Variants in PDE4D observed in about 807,000 individuals in gnomAD.
PDE4D encodes the protein phosphodiesterase 4D.
A neutral mutation model predicts 87.4 loss-of-function variants in PDE4D; 24 were observed. That is an observed-to-expected ratio of 0.27 (90% CI 0.20 to 0.39). The LOEUF is 0.39. Among genes scored for constraint, PDE4D ranks in the 10% least tolerant of loss-of-function variants. The probability of loss-of-function intolerance (pLI) is 1.00; values close to 1 mark genes in which losing one functional copy is unlikely to be tolerated. For missense variants in PDE4D, 714 were observed against 1,041.0 expected (o/e 0.69, Z 4.32); for synonymous variants, 384 against 383.2 (o/e 1.00, Z -0.02).
chr5:59,744,122 T>C (rs1320376109), intron 1 of PDE4D, among the ~76,000 whole-genome samples: 2 of 152,168 alleles, frequency 1.3e-5, no homozygotes, highest in African/African-American at 4.8e-5. Context: ...CTCAAATTCT[T>C]ACCAGTCCTA....
chr5:59,993,587 C>T (rs1410404424), intron 2 of PDE4D, among the ~76,000 whole-genome samples: 1 of 152,048 alleles, frequency 6.6e-6, no homozygotes, highest in Non-Finnish European at 1.5e-5. Flanking sequence ...ATTCATAAAA[C>T]AATTGTTTAA....
intron 5 of PDE4D, among the ~76,000 whole-genome samples, chr5:59,057,047 T>C (rs1027320150): frequency 6.6e-6 from 1 of 152,140 alleles, no homozygotes; most frequent in Non-Finnish European, 1.5e-5. Flanking sequence ...CAAAGAATGG[T>C]TAGAAATGAA....
At chr5:60,488,910 A>G (rs1749360897), upstream of PDE4D, among the ~76,000 whole-genome samples, 1 of 152,180 alleles carries the variant, frequency 6.6e-6, no homozygotes. Context: ...AGGAATCCTA[A>G]GAGAGAATCA....
At chr5:59,829,019 A>G (rs1273733843) in intron 1 of PDE4D, among the ~76,000 whole-genome samples, 1 of 152,102 alleles carries the variant, frequency 6.6e-6, no homozygotes, top group African/African-American at 2.4e-5. Context: ...CATTCTTAAC[A>G]CATATTTGTC....
chr5:59,243,129 C>T (rs528186300), intron 1 of PDE4D, among the ~76,000 whole-genome samples: 8 of 152,060 alleles, frequency 5.3e-5, no homozygotes, highest in Non-Finnish European at 1.2e-4. Flanking sequence ...CTCGTTTTTA[C>T]TATAGAGTCG....
chr5:59,748,812 C>CA (rs996190039), intron 1 of PDE4D, among the ~76,000 whole-genome samples: 4 of 151,816 alleles, frequency 2.6e-5, no homozygotes, highest in East Asian at 1.9e-4. Context: ...AAAACAACAA[C>CA]AAAAAAAAGA....
chr5:59,990,554 G>C (rs920799569), intron 2 of PDE4D, among the ~76,000 whole-genome samples: 1 of 151,984 alleles, frequency 6.6e-6, no homozygotes, highest in African/African-American at 2.4e-5. Flanking sequence ...AAAAAAAAGA[G>C]GTCAAAGCTA....
rs563378591 is a variant in PDE4D at position 59,048,020 on chromosome 5, T to C, written c.809-9049A>G. Among the ~76,000 whole-genome samples, 6 of 152,338 alleles carry C rather than the reference T, an allele frequency of 3.9e-5. No homozygotes were observed. In the South Asian group the frequency reaches 1.0e-3, roughly 26 times the overall value. On this transcript the variant is annotated intron_variant, in intron 5 of 14. Coordinates refer to ENST00000340635, the MANE Select transcript of PDE4D (RefSeq NM_001104631.2). The stretch of plus-strand genomic sequence containing the variant: ...GCCATCAGTTTATGGTATTTTGTTA[T>C]AGCAGCTTGAGCTAAGACAAATATC...
rs549737685 is a variant in PDE4D at position 59,597,856 on chromosome 5, A to G, written c.455+295312T>C. ...ACAGATGCCCTCTCATTCACCTAGCATTTTACACACTCTTCCTTGCTGTTT... is the reference window on the plus strand; with the variant it reads ...ACAGATGCCCTCTCATTCACCTAGCGTTTTACACACTCTTCCTTGCTGTTT... On this transcript the variant is annotated intron_variant, in intron 1 of 14. Transcript: ENST00000340635. 2.0e-5 allele frequency among the ~76,000 whole-genome samples: 3 copies of G among 152,224 alleles called. No homozygotes were observed. The South Asian group carries it at 6.2e-4, about 32-fold the overall frequency.
At chr5:60,483,861 G>T (rs1393987751) in intron 1 of PDE4D, among the ~76,000 whole-genome samples, 1 of 152,140 alleles carries the variant, frequency 6.6e-6, no homozygotes, top group Non-Finnish European at 1.5e-5. Context: ...TTTAAAAAGG[G>T]TTCAACAGGT....
chr5:60,474,854 C>T (rs1748184838), intron 1 of PDE4D, among the ~76,000 whole-genome samples: 1 of 152,196 alleles, frequency 6.6e-6, no homozygotes, highest in Non-Finnish European at 1.5e-5. Context: ...GTTTGTCACA[C>T]CCTGCCTCAG....
At chr5:59,126,107 AAGAGAGAG>A (rs755881387) in intron 5 of PDE4D, among the ~76,000 whole-genome samples, 9 of 148,084 alleles carry the variant, frequency 6.1e-5, no homozygotes, top group East Asian at 3.9e-4. Context: ...AAAAAAAAAA[AAGAGAGAG>A]AGAGAGAGAG....
intron 1 of PDE4D, chr5:59,314,634 T>C (rs1235246320): frequency 6.6e-6 from 1 of 152,108 alleles, no homozygotes; most frequent in African/African-American, 2.4e-5. Flanking sequence ...TCAACAATAG[T>C]GGGCAAGTAG....
intron 2 of PDE4D, among the ~76,000 whole-genome samples, chr5:60,052,197 A>T (rs1770247619): frequency 6.6e-6 from 1 of 151,880 alleles, no homozygotes; most frequent in African/African-American, 2.4e-5. Flanking sequence ...TTATGAAGCC[A>T]GTATCATCCT....
At chr5:59,541,648 T>C (rs1314371530) in intron 1 of PDE4D, among the ~76,000 whole-genome samples, 1 of 152,240 alleles carries the variant, frequency 6.6e-6, no homozygotes, top group African/African-American at 2.4e-5. Flanking sequence ...AGAAAGCACA[T>C]GGCCTTATAA....
At chr5:59,856,298 T>C (rs61285325) in intron 1 of PDE4D, among the ~76,000 whole-genome samples, 1,549 of 152,240 alleles carry the variant, frequency 0.01, 33 homozygotes, top group African/African-American at 0.035. Context: ...CTGATGTTCA[T>C]ACTTACAATA....
chr5:60,317,361 A>G (rs973640171), intron 1 of PDE4D, among the ~76,000 whole-genome samples: 2 of 152,114 alleles, frequency 1.3e-5, no homozygotes, highest in Non-Finnish European at 2.9e-5. Flanking sequence ...TATTGCATCT[A>G]TTTGATTCTT....
intron 1 of PDE4D, among the ~76,000 whole-genome samples, chr5:60,343,922 A>G (rs545272549): frequency 8.0e-5 from 12 of 150,890 alleles, no homozygotes; most frequent in Admixed American, 2.6e-4. Context: ...CCTCAGCTGC[A>G]TAGCCAATTA....
chr5:59,577,166 TG>T, intron 1 of PDE4D, among the ~76,000 whole-genome samples: 1 of 152,270 alleles, frequency 6.6e-6, no homozygotes, highest in Middle Eastern at 3.4e-3. Context: ...AGAGAAGAGT[TG>T]GGAAGATATG....
Sources: allele counts gnomAD v4.1 joint callset (sites outside exome capture counted in the v4.1 genomes callset), GRCh38; gene constraint gnomAD v4.1.1; transcripts MANE v1.5; gene names NCBI Gene and HGNC (gene_info 2026-07-23, HGNC 2026-07-21).